DCC: variants seen among roughly 807,000 people sequenced by gnomAD.
DCC encodes the protein DCC netrin 1 receptor.
In DCC, 58 loss-of-function variants were observed where a neutral mutation model predicts 172.5. That is an observed-to-expected ratio of 0.34 (90% CI 0.27 to 0.42). DCC has a LOEUF of 0.42. Among genes scored for constraint, DCC ranks in the 10% least tolerant of loss-of-function variants. The pLI, the probability that DCC is intolerant of heterozygous loss-of-function variation, is 1.00. For synonymous variants in DCC, 709 were observed against 644.5 expected, an observed-to-expected ratio of 1.10 and a Z score of -1.52; for missense variants, 1,740 against 1,791.0, an observed-to-expected ratio of 0.97 and a Z score of 0.51.
At chr18:53,341,928 G>A (rs2057664412) in intron 15 of DCC, among the ~76,000 whole-genome samples, 1 of 151,880 alleles carries the variant, frequency 6.6e-6, no homozygotes, top group African/African-American at 2.4e-5. Flanking sequence ...TTTTTGGAAG[G>A]CAAAGCTCTC....
intron 14 of DCC, among the ~76,000 whole-genome samples, chr18:53,337,700 T>C (rs180756720): frequency 2.0e-5 from 3 of 152,370 alleles, no homozygotes; most frequent in African/African-American, 2.4e-5. Context: ...CTTTAGAATC[T>C]TTTGAAAAGC....
chr18:53,016,729 A>C (rs1006995884), intron 5 of DCC, among the ~76,000 whole-genome samples: 5 of 152,148 alleles, frequency 3.3e-5, no homozygotes, highest in Non-Finnish European at 7.4e-5. Flanking sequence ...AGAATCAAAC[A>C]TTTTTGCATA....
At chr18:52,687,136 A>T (rs2035850437) in intron 1 of DCC, among the ~76,000 whole-genome samples, 1 of 151,986 alleles carries the variant, frequency 6.6e-6, no homozygotes, top group Non-Finnish European at 1.5e-5. Context: ...TACTGCTCAA[A>T]CCTATTCCAA....
At position 52,830,729 on chromosome 18, in the gene DCC, G is replaced by A. The variant is rs1457234940; in HGVS notation, c.413-75315G>A. The stretch of plus-strand genomic sequence containing the variant: ...TGTAACTGTTAATGTGAATGCCCCC[G>A]TTGGGACCCAAGAAACCTCTTTTAT... On this transcript the variant is annotated intron_variant, in intron 2 of 28. Coordinates refer to ENST00000442544, the MANE Select transcript of DCC (RefSeq NM_005215.4). Among the ~76,000 whole-genome samples the A allele has an allele frequency of 3.9e-5, 6 of 152,190 alleles. No homozygotes were observed. In the East Asian group the frequency reaches 5.8e-4, roughly 15 times the overall value.
chr18:52,475,597 C>G (rs1342833980), intron 1 of DCC, among the ~76,000 whole-genome samples: 1 of 152,038 alleles, frequency 6.6e-6, no homozygotes, highest in Non-Finnish European at 1.5e-5. Flanking sequence ...CATCTCCTTT[C>G]TACCAACCAC....
At chr18:52,481,631 G>A (rs1279390757) in intron 1 of DCC, among the ~76,000 whole-genome samples, 1 of 151,924 alleles carries the variant, frequency 6.6e-6, no homozygotes, top group Non-Finnish European at 1.5e-5. Context: ...CTACAGGTTT[G>A]TTAAACAGCC....
chr18:52,554,551 A>T (rs1439633693), intron 1 of DCC, among the ~76,000 whole-genome samples: 1 of 152,180 alleles, frequency 6.6e-6, no homozygotes, highest in Non-Finnish European at 1.5e-5. Flanking sequence ...TATTAGCAGA[A>T]ACGTGAAAAA....
intron 1 of DCC, among the ~76,000 whole-genome samples, chr18:52,341,737 C>T (rs1409779211): frequency 6.6e-6 from 1 of 152,082 alleles, no homozygotes; most frequent in African/African-American, 2.4e-5. Flanking sequence ...CTGGCGGCTT[C>T]GACGGCCAAA....
At chr18:53,032,764 C>A (rs778984622) in intron 5 of DCC, among the ~76,000 whole-genome samples, 2 of 152,114 alleles carry the variant, frequency 1.3e-5, no homozygotes, top group Admixed American at 6.6e-5. Flanking sequence ...CATAGGGATT[C>A]TTTTCTGAGC....
intron 12 of DCC, among the ~76,000 whole-genome samples, chr18:53,226,948 A>ATATATATATTTTTTTTTTTTT: frequency 4.5e-4 from 24 of 52,938 alleles, no homozygotes; most frequent in African/African-American, 1.6e-3. Context: ...ATATATATAT[A>ATATATATATTTTTTTTTTTTT]TTTTTTTTTT....
intron 2 of DCC, among the ~76,000 whole-genome samples, chr18:52,791,294 C>T (rs1050891825): frequency 2.0e-5 from 3 of 152,114 alleles, no homozygotes; most frequent in African/African-American, 7.2e-5. Flanking sequence ...TTTAAAATCT[C>T]AGGGTGAAAG....
intron 2 of DCC, among the ~76,000 whole-genome samples, chr18:52,889,652 T>G (rs1362762808): frequency 6.6e-6 from 1 of 152,128 alleles, no homozygotes; most frequent in Non-Finnish European, 1.5e-5. Flanking sequence ...GTTTGTACAG[T>G]TAATTGCTTA....
intron 14 of DCC, among the ~76,000 whole-genome samples, chr18:53,323,563 T>C (rs2057434811): frequency 6.6e-6 from 1 of 152,152 alleles, no homozygotes; most frequent in African/African-American, 2.4e-5. Context: ...AGGTGAAGTA[T>C]AGGAAGTTGC....
intron 27 of DCC, among the ~76,000 whole-genome samples, chr18:53,507,994 C>T (rs1208706794): frequency 9.6e-5 from 8 of 82,946 alleles, no homozygotes; most frequent in African/African-American, 2.7e-4. Context: ...CCGGGGTTCA[C>T]GCCATTCTCC....
intron 22 of DCC, among the ~76,000 whole-genome samples, chr18:53,438,225 A>G (rs1190336727): frequency 6.6e-6 from 1 of 152,142 alleles, no homozygotes; most frequent in Non-Finnish European, 1.5e-5. Context: ...GAAGAGACAT[A>G]CTGCCAGAAA....
intron 2 of DCC, among the ~76,000 whole-genome samples, chr18:52,798,335 G>A (rs1390069142): frequency 6.6e-6 from 1 of 152,140 alleles, no homozygotes; most frequent in East Asian, 1.9e-4. Flanking sequence ...CTAGTCTTTG[G>A]CTGATCCAGA....
At chr18:52,998,272 T>C (rs1259814874) in intron 5 of DCC, among the ~76,000 whole-genome samples, 1 of 151,980 alleles carries the variant, frequency 6.6e-6, no homozygotes, top group East Asian at 1.9e-4. Context: ...CAGAAGACTT[T>C]CTCTCCCTGA....
intron 8 of DCC, among the ~76,000 whole-genome samples, chr18:53,163,423 A>G (rs1164234251): frequency 6.6e-6 from 1 of 152,224 alleles, no homozygotes; most frequent in Non-Finnish European, 1.5e-5. Context: ...GAGCCATAAA[A>G]TATGCCACTG....
chr18:53,506,532 T>A (rs778798099), intron 27 of DCC, among the ~76,000 whole-genome samples: 35 of 152,040 alleles, frequency 2.3e-4, no homozygotes, highest in Non-Finnish European at 4.9e-4. Context: ...TGCAGTGGCC[T>A]CCATAAAGAA....
Sources: allele counts gnomAD v4.1 joint callset (sites outside exome capture counted in the v4.1 genomes callset), GRCh38; gene constraint gnomAD v4.1.1; transcripts MANE v1.5; gene names NCBI Gene and HGNC (gene_info 2026-07-23, HGNC 2026-07-21).